Variants in RABGAP1L observed in about 807,000 individuals in gnomAD.
RABGAP1L encodes the protein rab GTPase-activating protein 1-like.
Under a neutral mutation model 137.7 loss-of-function variants are expected in RABGAP1L, and 63 were observed. That is an observed-to-expected ratio of 0.46 (90% CI 0.37 to 0.56). The LOEUF is 0.56. Among genes scored for constraint, RABGAP1L ranks in the 20% least tolerant of loss-of-function variants. RABGAP1L has a pLI of 0.00. For missense variants in RABGAP1L, 1,095 were observed against 1,244.0 expected (o/e 0.88, Z 1.80); for synonymous variants, 431 against 433.7 (o/e 0.99, Z 0.08).
chr1:174,196,530 C>G (rs61828574), intron 1 of RABGAP1L, among the ~76,000 whole-genome samples: 19,107 of 151,094 alleles, frequency 0.13, 1,308 homozygotes, highest in East Asian at 0.22. Flanking sequence ...TTTCTTAATC[C>G]TTTTATTCTT....
chr1:174,163,977 A>T (rs1312750244), intron 1 of RABGAP1L, among the ~76,000 whole-genome samples: 1 of 152,164 alleles, frequency 6.6e-6, no homozygotes, highest in African/African-American at 2.4e-5. Flanking sequence ...TCAGGCATGG[A>T]ACATTTACTT....
intron 11 of RABGAP1L, among the ~76,000 whole-genome samples, chr1:174,370,463 CTTTTTTTTTTTTTTT>C (rs1183875194): frequency 1.6e-4 from 6 of 37,880 alleles, no homozygotes; most frequent in African/African-American, 6.9e-4. Flanking sequence ...TTAAAAATAC[CTTTTTTTTTTTTTTT>C]TTTTTTTTTA....
intron 10 of RABGAP1L, among the ~76,000 whole-genome samples, chr1:174,284,672 G>C (rs1247203221): frequency 1.4e-5 from 2 of 145,092 alleles, no homozygotes; most frequent in Admixed American, 1.4e-4. Flanking sequence ...GGCTATACCA[G>C]TTTACATTCC....
intron 14 of RABGAP1L, among the ~76,000 whole-genome samples, chr1:174,681,674 C>T (rs1319406035): frequency 1.3e-5 from 2 of 152,088 alleles, no homozygotes; most frequent in African/African-American, 2.4e-5. Flanking sequence ...AAAATGTATG[C>T]CTTTCACTGA....
At chr1:174,951,989 C>G (rs1667776455) in intron 19 of RABGAP1L, among the ~76,000 whole-genome samples, 1 of 152,114 alleles carries the variant, frequency 6.6e-6, no homozygotes, top group African/African-American at 2.4e-5. Context: ...CATAGATCAA[C>G]TTGAAAAATC....
intron 14 of RABGAP1L, among the ~76,000 whole-genome samples, chr1:174,648,676 G>T (rs1675193394): frequency 6.6e-6 from 1 of 152,118 alleles, no homozygotes; most frequent in Admixed American, 6.6e-5. Context: ...TGTATATTCT[G>T]TTGATTTGGG....
intron 18 of RABGAP1L, among the ~76,000 whole-genome samples, chr1:174,770,340 A>T (rs552063755): frequency 6.6e-6 from 1 of 152,332 alleles, no homozygotes; most frequent in African/African-American, 2.4e-5. Context: ...AGGAATTTTA[A>T]AGTTTTAAAG....
Position 174,800,593 on chromosome 1 carries a change from G to T in RABGAP1L, c.2212-11239G>T, listed in dbSNP as rs1385929724. On this transcript the variant is annotated intron_variant, in intron 18 of 25. Coordinates refer to ENST00000681986, the MANE Select transcript of RABGAP1L (RefSeq NM_001366446.1). ...CTCTGAAAGAGGCTTGTTGTCTCTGGTTTTCTTCTCCTTCTCCCCATTCTG... is the reference window on the plus strand; with the variant it reads ...CTCTGAAAGAGGCTTGTTGTCTCTGTTTTTCTTCTCCTTCTCCCCATTCTG... 83 of 1,472,094 alleles carry T rather than the reference G, an allele frequency of 5.6e-5. No homozygotes were observed. In the East Asian group the frequency reaches 1.9e-3, roughly 34 times the overall value. The allele number at this position is 1,472,094 out of a possible 1,614,324, so 91.2% of individuals were successfully genotyped here. A position where few individuals can be genotyped will look rare whatever the true frequency, so the allele number is the denominator to read the frequency against.
intron 11 of RABGAP1L, among the ~76,000 whole-genome samples, chr1:174,360,343 A>G (rs989773197): frequency 6.6e-6 from 1 of 152,196 alleles, no homozygotes; most frequent in East Asian, 1.9e-4. Context: ...TTCTCTAAGT[A>G]TTTAGTGCTT....
intron 13 of RABGAP1L, among the ~76,000 whole-genome samples, chr1:174,561,629 G>A (rs1450979428): frequency 1.3e-5 from 2 of 152,052 alleles, no homozygotes; most frequent in East Asian, 1.9e-4. Flanking sequence ...CTACAGTAAC[G>A]AAAACAGCAT....
intron 13 of RABGAP1L, among the ~76,000 whole-genome samples, chr1:174,615,445 CAG>C (rs1204538138): frequency 6.6e-6 from 1 of 152,196 alleles, no homozygotes; most frequent in African/African-American, 2.4e-5. Context: ...AGTTTTGTCT[CAG>C]AGGAGTACCC....
At chr1:174,589,741 G>C (rs1160809025) in intron 13 of RABGAP1L, among the ~76,000 whole-genome samples, 2 of 152,028 alleles carry the variant, frequency 1.3e-5, no homozygotes, top group Admixed American at 1.3e-4. Flanking sequence ...GTATGTTCTT[G>C]GCATGTTGTC....
chr1:174,949,859 T>A (rs537772124), intron 19 of RABGAP1L, among the ~76,000 whole-genome samples: 1 of 152,230 alleles, frequency 6.6e-6, no homozygotes, highest in Non-Finnish European at 1.5e-5. Flanking sequence ...TTCTATAAAA[T>A]GCAAGTCTCC....
At chr1:174,447,890 G>GCCCCCCCCCCCCCCCCCCCC (rs11321562) in intron 13 of RABGAP1L, among the ~76,000 whole-genome samples, 2 of 69,566 alleles carry the variant, frequency 2.9e-5, no homozygotes, top group African/African-American at 5.4e-5. Context: ...ACCCCTTACC[G>GCCCCCCCCCCCCCCCCCCCC]CCCCCCCCCC....
chr1:174,385,911 A>G (rs1049736742), intron 12 of RABGAP1L, among the ~76,000 whole-genome samples: 1 of 152,198 alleles, frequency 6.6e-6, no homozygotes, highest in Non-Finnish European at 1.5e-5. Context: ...CTATAAAAGG[A>G]TGATAGGAAA....
At chr1:174,323,767 A>T (rs767608085) in intron 11 of RABGAP1L, among the ~76,000 whole-genome samples, 1 of 152,178 alleles carries the variant, frequency 6.6e-6, no homozygotes, top group Non-Finnish European at 1.5e-5. Context: ...AAAATCTACA[A>T]CTGGAAACCA....
chr1:174,964,652 A>G (rs1422668506), intron 20 of RABGAP1L: 1 of 391,158 alleles, frequency 2.6e-6, no homozygotes, highest in African/African-American at 2.1e-5. Flanking sequence ...GTAGTTCCTT[A>G]ATAGTCCCAC....
At chr1:174,329,417 A>G (rs2148857788) in intron 11 of RABGAP1L, among the ~76,000 whole-genome samples, 1 of 152,322 alleles carries the variant, frequency 6.6e-6, no homozygotes, top group East Asian at 1.9e-4. Flanking sequence ...TGAAGAACTA[A>G]TACAAATTAT....
chr1:174,578,789 T>C (rs1668544373), intron 13 of RABGAP1L, among the ~76,000 whole-genome samples: 2 of 150,780 alleles, frequency 1.3e-5, no homozygotes, highest in Admixed American at 6.6e-5. Context: ...AGATAAATTC[T>C]TCTATGTTAT....
Sources: allele counts gnomAD v4.1 joint callset (sites outside exome capture counted in the v4.1 genomes callset), GRCh38; gene constraint gnomAD v4.1.1; transcripts MANE v1.5; gene names NCBI Gene and HGNC (gene_info 2026-07-23, HGNC 2026-07-21).